Variants in RBFOX1 observed in about 807,000 individuals in gnomAD.
RBFOX1 encodes RNA binding fox-1 homolog 1, also known as RNA binding protein fox-1 homolog 1.
In RBFOX1, 8 loss-of-function variants were observed where a neutral mutation model predicts 57.7. The ratio of observed to expected loss-of-function variants is 0.14; its 90% CI spans 0.08 to 0.25. The LOEUF (loss-of-function observed/expected upper bound fraction) is 0.25. RBFOX1 is among the 10% of genes least tolerant of loss of function. The pLI is 1.00. For synonymous variants in RBFOX1, 326 were observed against 222.4 expected (o/e 1.47, Z -4.15); for missense variants, 611 against 548.5 (o/e 1.11, Z -1.14).
intron 4 of RBFOX1, among the ~76,000 whole-genome samples, chr16:7,463,417 T>C (rs1369326827): frequency 1.3e-5 from 2 of 152,136 alleles, no homozygotes; most frequent in Admixed American, 6.5e-5. Flanking sequence ...CACAGGATAA[T>C]CACTTGAACC....
At chr16:6,190,523 C>A (rs2097134913) in intron 1 of RBFOX1, among the ~76,000 whole-genome samples, 1 of 152,140 alleles carries the variant, frequency 6.6e-6, no homozygotes, top group Non-Finnish European at 1.5e-5. Context: ...AGGACTTACT[C>A]CATAGGATTG....
intron 3 of RBFOX1, among the ~76,000 whole-genome samples, chr16:6,856,380 C>T (rs187543646): frequency 6.6e-6 from 1 of 152,068 alleles, no homozygotes; most frequent in African/African-American, 2.4e-5. Flanking sequence ...ACTATGTCTC[C>T]TTGGAGTCCC....
At chr16:7,034,468 TCCAGCTGGCTGAAAGTGTATGA>T (rs2043705768) in intron 3 of RBFOX1, among the ~76,000 whole-genome samples, 1 of 152,060 alleles carries the variant, frequency 6.6e-6, no homozygotes, top group Admixed American at 6.6e-5. Context: ...CTTGCTGGGC[TCCAGCTGGCTGAAAGTGTATGA>T]CCATCTATCT....
chr16:6,586,850 G>A (rs1301902239), intron 2 of RBFOX1, among the ~76,000 whole-genome samples: 1 of 152,048 alleles, frequency 6.6e-6, no homozygotes, highest in Non-Finnish European at 1.5e-5. Flanking sequence ...AAAGGGAAAA[G>A]GTTTCTTCAA....
chr16:6,628,891 G>T, intron 2 of RBFOX1, among the ~76,000 whole-genome samples: 1 of 152,120 alleles, frequency 6.6e-6, no homozygotes, highest in East Asian at 1.9e-4. Flanking sequence ...TTAGCCAGGT[G>T]TGGTGGCATG....
intron 1 of RBFOX1, among the ~76,000 whole-genome samples, chr16:5,387,288 G>C (rs1457326962): frequency 6.6e-6 from 1 of 152,128 alleles, no homozygotes; most frequent in Admixed American, 6.5e-5. Flanking sequence ...TCATTTTGCT[G>C]TAATAGAATT....
At chr16:6,701,942 T>C (rs930347246) in intron 3 of RBFOX1, among the ~76,000 whole-genome samples, 1 of 152,048 alleles carries the variant, frequency 6.6e-6, no homozygotes, top group African/African-American at 2.4e-5. Context: ...CGGGGCCTGC[T>C]TGAGGATGGA....
chr16:5,564,409 C>T (rs2045990692), intron 2 of RBFOX1, among the ~76,000 whole-genome samples: 2 of 152,156 alleles, frequency 1.3e-5, no homozygotes, highest in Admixed American at 1.3e-4. Context: ...TGTCTCCTCC[C>T]ACTGAATTTG....
chr16:7,019,532 T>G (rs1456229178), intron 3 of RBFOX1, among the ~76,000 whole-genome samples: 4 of 152,168 alleles, frequency 2.6e-5, no homozygotes, highest in Non-Finnish European at 4.4e-5. Context: ...CTCTCTCTCC[T>G]CTTGTTTGTG....
At chr16:5,738,873 T>G (rs1208651487) in intron 3 of RBFOX1, among the ~76,000 whole-genome samples, 1 of 152,112 alleles carries the variant, frequency 6.6e-6, no homozygotes, top group African/African-American at 2.4e-5. Flanking sequence ...GGGGTTTCCT[T>G]AATGTCAACA....
intron 1 of RBFOX1, among the ~76,000 whole-genome samples, chr16:6,248,948 C>T (rs28626029): frequency 0.039 from 5,879 of 152,174 alleles, 380 homozygotes; most frequent in African/African-American, 0.13. Flanking sequence ...TTTCTATGTA[C>T]GAGGTACTGA....
At chr16:6,974,706 A>G (rs1236057839) in intron 3 of RBFOX1, among the ~76,000 whole-genome samples, 1 of 152,008 alleles carries the variant, frequency 6.6e-6, no homozygotes, top group Non-Finnish European at 1.5e-5. Flanking sequence ...AACATTTATT[A>G]AATGTCCCTT....
chr16:5,611,435 G>A (rs577543927), intron 3 of RBFOX1: 25 of 152,328 alleles, frequency 1.6e-4, no homozygotes, highest in Admixed American at 5.9e-4. Flanking sequence ...CTAACAGAAC[G>A]AATGAATGAC....
intron 6 of RBFOX1, among the ~76,000 whole-genome samples, chr16:7,580,497 A>G (rs961981688): frequency 3.2e-4 from 48 of 152,246 alleles, no homozygotes; most frequent in African/African-American, 1.0e-3. Flanking sequence ...TTGATTCCTG[A>G]AGTCTACGTT....
At position 7,333,096 on chromosome 16, in the gene RBFOX1, A is replaced by T; in HGVS notation, c.28-185051A>T. Reference sequence around the variant, plus strand: ...CTTCCTGGACTGATTCAGGTAATTCAAGGCCTCTGCCAGCCAGCAACTTAA... The same window carrying T: ...CTTCCTGGACTGATTCAGGTAATTCTAGGCCTCTGCCAGCCAGCAACTTAA... On this transcript the variant is annotated intron_variant, in intron 4 of 15. Transcript: ENST00000550418. 2 of 1,612,468 alleles carry T rather than the reference A, an allele frequency of 1.2e-6. No homozygotes were observed. The highest frequency in any genetic ancestry group is 1.7e-6 in the Non-Finnish European group (2 of 1,178,718).
intron 3 of RBFOX1, among the ~76,000 whole-genome samples, chr16:6,682,743 C>T (rs1197211406): frequency 1.3e-5 from 2 of 151,738 alleles, no homozygotes; most frequent in Non-Finnish European, 2.9e-5. Context: ...ACGATGTTAT[C>T]ATTACCAGTA....
intron 2 of RBFOX1, among the ~76,000 whole-genome samples, chr16:6,434,534 C>G (rs1376851071): frequency 6.6e-6 from 1 of 152,184 alleles, no homozygotes; most frequent in Admixed American, 6.5e-5. Context: ...GTATGTAATG[C>G]ACGTCGCATA....
chr16:5,638,942 A>T (rs1311478167), intron 3 of RBFOX1, among the ~76,000 whole-genome samples: 1 of 152,164 alleles, frequency 6.6e-6, no homozygotes, highest in Admixed American at 6.5e-5. Flanking sequence ...CTGCTCTGTG[A>T]TTCCTACAGA....
intron 2 of RBFOX1, among the ~76,000 whole-genome samples, chr16:6,532,460 C>T (rs1049896466): frequency 3.9e-5 from 6 of 152,124 alleles, no homozygotes; most frequent in Non-Finnish European, 8.8e-5. Flanking sequence ...TATGGAGGAC[C>T]CTCCAGTTAC....
Sources: gnomAD v4.1 joint callset for allele counts (sites outside exome capture counted in the v4.1 genomes callset) on GRCh38, gnomAD v4.1.1 for gene constraint, MANE v1.5 for transcripts, NCBI Gene and HGNC (gene_info 2026-07-23, HGNC 2026-07-21) for gene names.